The following PCDH15 variants were observed in gnomAD, a reference collection of about 807,000 sequenced individuals.
PCDH15 encodes the protein protocadherin related 15.
A neutral mutation model predicts 178.5 loss-of-function variants in PCDH15; 129 were observed. The ratio of observed to expected loss-of-function variants is 0.72; its 90% CI spans 0.63 to 0.84. PCDH15 has a LOEUF of 0.84. Ranked by LOEUF, PCDH15 falls within the 40% of genes least tolerant of loss-of-function variation. PCDH15 has a pLI of 0.00. For synonymous variants in PCDH15, 800 were observed against 732.0 expected (o/e 1.09, Z -1.50); for missense variants, 2,230 against 2,099.9 (o/e 1.06, Z -1.21).
At chr10:54,354,188 T>C (rs1418845625) in intron 5 of PCDH15, among the ~76,000 whole-genome samples, 1 of 152,184 alleles carries the variant, frequency 6.6e-6, no homozygotes, top group African/African-American at 2.4e-5. Flanking sequence ...TTTCTCCATG[T>C]TGGACAGGCT....
intron 2 of PCDH15, among the ~76,000 whole-genome samples, chr10:55,136,133 G>C (rs1838192490): frequency 6.6e-6 from 1 of 152,056 alleles, no homozygotes; most frequent in Non-Finnish European, 1.5e-5. Context: ...TAGTATGTTA[G>C]AGCACAAAGG....
chr10:54,830,140 T>C (rs1185734926), intron 3 of PCDH15, among the ~76,000 whole-genome samples: 2 of 152,186 alleles, frequency 1.3e-5, no homozygotes, highest in Non-Finnish European at 2.9e-5. Flanking sequence ...TTGGTGGGAC[T>C]GTAAACTAGT....
intron 1 of PCDH15, among the ~76,000 whole-genome samples, chr10:54,669,936 C>T (rs2135490320): frequency 6.6e-6 from 1 of 151,920 alleles, no homozygotes; most frequent in South Asian, 2.1e-4. Flanking sequence ...CACCTGTAAT[C>T]TCAGTTACTC....
At chr10:54,399,587 C>T (rs1024796026) in intron 3 of PCDH15, among the ~76,000 whole-genome samples, 1 of 152,058 alleles carries the variant, frequency 6.6e-6, no homozygotes, top group Admixed American at 6.6e-5. Flanking sequence ...GATTAATGGT[C>T]TGCGGTTAGG....
intron 33 of PCDH15, among the ~76,000 whole-genome samples, chr10:53,818,849 A>ATAAC (rs1408705955): frequency 6.6e-6 from 1 of 152,052 alleles, no homozygotes; most frequent in African/African-American, 2.4e-5. Flanking sequence ...AGGCACATGC[A>ATAAC]TAACTTTCTA....
upstream of PCDH15, among the ~76,000 whole-genome samples, chr10:54,801,573 A>T (rs1952650009): frequency 6.6e-6 from 1 of 152,172 alleles, no homozygotes; most frequent in African/African-American, 2.4e-5. Context: ...TACATTCAAT[A>T]ACAATGTCGT....
At chr10:54,639,234 G>A (rs74136235) in intron 2 of PCDH15, among the ~76,000 whole-genome samples, 1 of 152,094 alleles carries the variant, frequency 6.6e-6, no homozygotes, top group Non-Finnish European at 1.5e-5. Flanking sequence ...TTGCCACTTT[G>A]AAAGTTAATA....
At chr10:54,038,620 G>A (rs1427512513) in intron 18 of PCDH15, among the ~76,000 whole-genome samples, 1 of 151,890 alleles carries the variant, frequency 6.6e-6, no homozygotes, top group Non-Finnish European at 1.5e-5. Flanking sequence ...TATGGGCAAG[G>A]GAACCTTCTG....
intron 1 of PCDH15, among the ~76,000 whole-genome samples, chr10:54,668,250 TAAAG>T (rs1277830903): frequency 6.6e-6 from 1 of 151,746 alleles, no homozygotes; most frequent in East Asian, 1.9e-4. Context: ...TCCAGCAAAA[TAAAG>T]ATAGACCAAT....
intron 2 of PCDH15, among the ~76,000 whole-genome samples, chr10:55,401,204 T>C (rs549689258): frequency 1.3e-5 from 2 of 152,184 alleles, no homozygotes; most frequent in African/African-American, 4.8e-5. Context: ...GATTCCTGTA[T>C]AGCAAATGAG....
At chr10:54,548,806 T>C (rs1177679692) in intron 2 of PCDH15, among the ~76,000 whole-genome samples, 1 of 151,272 alleles carries the variant, frequency 6.6e-6, no homozygotes, top group Non-Finnish European at 1.5e-5. Context: ...AACATTGTAA[T>C]TTTGTTGCCT....
At chr10:55,018,664 A>G (rs1840246317) in intron 2 of PCDH15, among the ~76,000 whole-genome samples, 1 of 152,088 alleles carries the variant, frequency 6.6e-6, no homozygotes, top group African/African-American at 2.4e-5. Context: ...ATTTGAAGAA[A>G]CTTTTTAAAG....
At chr10:55,554,717 C>G (rs1246227646) in intron 2 of PCDH15, among the ~76,000 whole-genome samples, 1 of 152,036 alleles carries the variant, frequency 6.6e-6, no homozygotes, top group Non-Finnish European at 1.5e-5. Context: ...CAACCAAACC[C>G]TGTGTAAAAT....
At chr10:54,089,863 T>C (rs1265299912) in intron 16 of PCDH15, 121 bp downstream of exon 16, 4 of 751,226 alleles carry the variant, frequency 5.3e-6, no homozygotes, top group Middle Eastern at 7.4e-4. Flanking sequence ...TTAGCATTCA[T>C]AGAAAACAGA....
chr10:55,205,507 T>C (rs546635977), intron 1 of PCDH15, among the ~76,000 whole-genome samples: 1 of 152,194 alleles, frequency 6.6e-6, no homozygotes, highest in African/African-American at 2.4e-5. Context: ...TAATATTAGT[T>C]AATAGTCTGT....
chr10:55,504,618 A>G (rs1840723588), intron 2 of PCDH15, among the ~76,000 whole-genome samples: 2 of 151,372 alleles, frequency 1.3e-5, no homozygotes, highest in Admixed American at 6.6e-5. Context: ...CTCAACAACT[A>G]GAATGAAAAG....
intron 1 of PCDH15, among the ~76,000 whole-genome samples, chr10:54,728,791 G>A (rs1942939367): frequency 6.6e-6 from 1 of 151,330 alleles, no homozygotes; most frequent in Admixed American, 6.6e-5. Flanking sequence ...AGTGTCCAAG[G>A]TGAGAGCCAA....
chr10:55,231,607 G>A (rs1209184472), intron 1 of PCDH15, among the ~76,000 whole-genome samples: 2 of 151,944 alleles, frequency 1.3e-5, no homozygotes, highest in Non-Finnish European at 2.9e-5. Context: ...TTAAGGATAG[G>A]AAATTATTGT....
At chr10:55,200,226 C>T (rs1840205714) in intron 1 of PCDH15, among the ~76,000 whole-genome samples, 2 of 152,256 alleles carry the variant, frequency 1.3e-5, no homozygotes, top group Admixed American at 6.5e-5. Flanking sequence ...AGGAGCTGTC[C>T]AAGGCCTTGG....
Sources: allele counts gnomAD v4.1 joint callset (sites outside exome capture counted in the v4.1 genomes callset), GRCh38; gene constraint gnomAD v4.1.1; transcripts MANE v1.5; gene names NCBI Gene and HGNC (gene_info 2026-07-23, HGNC 2026-07-21).